Variants in PPARGC1A observed in about 807,000 individuals in gnomAD.
PPARGC1A encodes peroxisome proliferator-activated receptor gamma coactivator 1-alpha.
Under a neutral mutation model 88.7 loss-of-function variants are expected in PPARGC1A, and 25 were observed. That is an observed-to-expected ratio of 0.28 (90% CI 0.21 to 0.39). The LOEUF is 0.39. Ranked by LOEUF, PPARGC1A falls within the 10% of genes least tolerant of loss-of-function variation. The probability of loss-of-function intolerance (pLI) is 1.00; values close to 1 mark genes in which losing one functional copy is unlikely to be tolerated. For synonymous variants in PPARGC1A, 363 were observed against 355.6 expected (o/e 1.02, Z -0.24); for missense variants, 880 against 968.7 (o/e 0.91, Z 1.22).
At chr4:24,202,520 G>A in the PPARGC1A span, among the ~76,000 whole-genome samples, 1 of 152,138 alleles carries the variant, frequency 6.6e-6, no homozygotes, top group Non-Finnish European at 1.5e-5. Context: ...TGGGGTGAAA[G>A]CTGACAAAGT....
chr4:23,910,472 G>A, the PPARGC1A span, among the ~76,000 whole-genome samples: 25 of 132,000 alleles, frequency 1.9e-4, no homozygotes, highest in Admixed American at 1.7e-3. Context: ...ACAGAGTCTC[G>A]CTCTGTCACC....
chr4:24,034,136 G>A, the PPARGC1A span, among the ~76,000 whole-genome samples: 1 of 152,152 alleles, frequency 6.6e-6, no homozygotes, highest in Non-Finnish European at 1.5e-5. Flanking sequence ...TTCTCCCCAG[G>A]AGTAGCTCAG....
chr4:23,919,416 G>A, the PPARGC1A span, among the ~76,000 whole-genome samples: 7 of 151,854 alleles, frequency 4.6e-5, no homozygotes, highest in Non-Finnish European at 8.8e-5. Context: ...TATAGAGATG[G>A]CAACACAAAG....
the PPARGC1A span, among the ~76,000 whole-genome samples, chr4:24,120,675 G>A: frequency 1.4e-4 from 21 of 152,124 alleles, no homozygotes. Flanking sequence ...TCTTTGGAAG[G>A]TGATAAGGTC....
At chr4:24,277,830 A>T in the PPARGC1A span, among the ~76,000 whole-genome samples, 3 of 152,090 alleles carry the variant, frequency 2.0e-5, no homozygotes, top group Admixed American at 1.3e-4. Context: ...GCTATGTGTC[A>T]TCAGTAAGTA....
chr4:24,441,990 C>T, the PPARGC1A span, among the ~76,000 whole-genome samples: 3 of 152,150 alleles, frequency 2.0e-5, no homozygotes, highest in South Asian at 2.1e-4. Context: ...CATTTTTCAA[C>T]GTATCAGTTA....
At chr4:24,369,058 A>G in the PPARGC1A span, among the ~76,000 whole-genome samples, 1 of 152,186 alleles carries the variant, frequency 6.6e-6, no homozygotes, top group Non-Finnish European at 1.5e-5. Flanking sequence ...AGGGGACTGA[A>G]GCCTGGCCCA....
At chr4:24,317,652 A>G in the PPARGC1A span, among the ~76,000 whole-genome samples, 8 of 145,914 alleles carry the variant, frequency 5.5e-5, no homozygotes, top group African/African-American at 1.5e-4. Flanking sequence ...GTCACCTGGC[A>G]TCTTGTAGAC....
At chr4:24,333,937 C>CAAAAAAA in the PPARGC1A span, among the ~76,000 whole-genome samples, 1 of 10,370 alleles carries the variant, frequency 9.6e-5, no homozygotes, top group African/African-American at 1.7e-4. Flanking sequence ...CCAACAACAA[C>CAAAAAAA]AACAAAAAAA....
the PPARGC1A span, among the ~76,000 whole-genome samples, chr4:23,940,028 G>A: frequency 7.1e-3 from 1,078 of 152,190 alleles, 5 homozygotes; most frequent in Non-Finnish European, 0.011. Context: ...ATCCTTCAAC[G>A]TTCCTGGAAC....
At chr4:24,012,554 GCCCTGCTTCATAACACTTTCCAGAT>G in the PPARGC1A span, among the ~76,000 whole-genome samples, 3 of 151,934 alleles carry the variant, frequency 2.0e-5, no homozygotes, top group Admixed American at 2.0e-4. Flanking sequence ...CTGCTCTGAG[GCCCTGCTTCATAACACTTTCCAGAT>G]CTAGATCACT....
At chr4:24,174,291 A>G in the PPARGC1A span, among the ~76,000 whole-genome samples, 10 of 152,156 alleles carry the variant, frequency 6.6e-5, no homozygotes, top group East Asian at 1.9e-3. Flanking sequence ...TTCCACCTTA[A>G]CCTGACCATA....
At chr4:23,982,866 T>C in the PPARGC1A span, among the ~76,000 whole-genome samples, 2 of 152,126 alleles carry the variant, frequency 1.3e-5, no homozygotes, top group East Asian at 3.9e-4. Context: ...ATTTTATTAT[T>C]ATTATTATCT....
the PPARGC1A span, among the ~76,000 whole-genome samples, chr4:23,985,080 G>A: frequency 1.3e-5 from 2 of 152,120 alleles, no homozygotes; most frequent in African/African-American, 4.8e-5. Flanking sequence ...GAACGTTCGT[G>A]AAAGTTTGGA....
chr4:24,328,199 G>A, the PPARGC1A span, among the ~76,000 whole-genome samples: 11 of 151,812 alleles, frequency 7.2e-5, no homozygotes, highest in African/African-American at 1.7e-4. Context: ...CTCTTCACAC[G>A]GACGCGCATG....
rs550243757 is a variant in PPARGC1A at position 23,866,376 on chromosome 4, C to T, written c.234+18376G>A. ...AATGTTTATTTCCATTAGACTAGGC[C>T]TATAAAATCCTCTTTTTATAACCAT... On this transcript the variant is annotated intron_variant, in intron 2 of 12. Transcript: ENST00000264867. The T allele has an allele frequency of 2.6e-5, 4 of 151,962 alleles. No homozygotes were observed. In the South Asian group the frequency reaches 8.3e-4, roughly 32 times the overall value. The allele number at this position is 151,962 out of a possible 1,614,324, so 9.4% of individuals were successfully genotyped here.
At chr4:23,970,331 A>G in the PPARGC1A span, among the ~76,000 whole-genome samples, 3 of 152,334 alleles carry the variant, frequency 2.0e-5, no homozygotes, top group East Asian at 5.8e-4. Context: ...CTTGGGCTTT[A>G]CCACTAGAGC....
chr4:24,450,584 C>T, the PPARGC1A span, among the ~76,000 whole-genome samples: 14 of 152,120 alleles, frequency 9.2e-5, no homozygotes, highest in African/African-American at 3.1e-4. Context: ...CTTCTCTTCC[C>T]AGTTAAAAAA....
At chr4:23,900,234 G>A (rs1719166129), upstream of PPARGC1A, among the ~76,000 whole-genome samples, 1 of 152,196 alleles carries the variant, frequency 6.6e-6, no homozygotes, top group Non-Finnish European at 1.5e-5. Context: ...TAAGTGAAGT[G>A]AAGGAATATT....
Sources: allele counts gnomAD v4.1 joint callset (sites outside exome capture counted in the v4.1 genomes callset), GRCh38; gene constraint gnomAD v4.1.1; transcripts MANE v1.5; gene names NCBI Gene and HGNC (gene_info 2026-07-23, HGNC 2026-07-21).